Variants in SMG6 observed in about 807,000 individuals in gnomAD.
SMG6 encodes the protein telomerase-binding protein EST1A.
A neutral mutation model predicts 142.2 loss-of-function variants in SMG6; 66 were observed. The ratio of observed to expected loss-of-function variants is 0.46; its 90% CI spans 0.38 to 0.57. The LOEUF is 0.57. Among genes scored for constraint, SMG6 ranks in the 20% least tolerant of loss-of-function variants. The pLI is 0.00. For missense variants in SMG6, 1,793 were observed against 1,832.0 expected (o/e 0.98, Z 0.39); for synonymous variants, 779 against 702.4 (o/e 1.11, Z -1.72).
At chr17:2,296,478 G>A (rs2075145092) in intron 4 of SMG6, among the ~76,000 whole-genome samples, 1 of 152,184 alleles carries the variant, frequency 6.6e-6, no homozygotes, top group Non-Finnish European at 1.5e-5. Context: ...GCCGCGGACT[G>A]GTACCAGTCT....
intron 12 of SMG6, 160 bp from the exon 13 acceptor site, chr17:2,173,019 C>T: frequency 3.0e-6 from 2 of 671,412 alleles, no homozygotes; most frequent in African/African-American, 1.8e-5. Context: ...CAAAACTGTG[C>T]CCAAGGCAGC....
At chr17:2,260,868 T>A (rs186178812) in intron 8 of SMG6, among the ~76,000 whole-genome samples, 1,534 of 151,578 alleles carry the variant, frequency 0.01, 30 homozygotes, top group African/African-American at 0.034. Flanking sequence ...TGATGGCGGG[T>A]GCCTGTAATC....
chr17:2,167,131 CAAAAAAAA>C (rs57898779), intron 13 of SMG6, among the ~76,000 whole-genome samples: 4 of 35,706 alleles, frequency 1.1e-4, no homozygotes, highest in African/African-American at 3.1e-4. Flanking sequence ...GACTCCATCT[CAAAAAAAA>C]AAAAAAAAAA....
Position 2,065,075 on chromosome 17 carries a change from T to C in SMG6, c.4127A>G (p.Lys1376Arg), listed in dbSNP as rs146523021. ...DKAKDFMPAS[K>R]EEPIRLLREV... The stretch of plus-strand genomic sequence containing the variant: ...CCAAGGCGGAGGCAAAGCTGTACCT[T>C]TGCTGGCGGGCATGAAGTCCTTAGC... Residue 1376 changes from lysine to arginine, a missense_variant and splice_region_variant, in exon 18 of 19, where the codon AAA becomes AGA. Physicochemically the swap from Lys to Arg is conservative, Grantham distance 26 (BLOSUM62 2). This residue lies in a region of SMG6 where 179 missense variants were observed against 212.6 expected (regional missense o/e 0.84). Transcript: ENST00000263073. The C allele has an allele frequency of 5.3e-5, 85 of 1,613,228 alleles. No individual in the cohort carries two copies. The African/African-American group carries it at 9.6e-4, about 18-fold the overall frequency.
chr17:2,238,105 C>T (rs893069710), intron 9 of SMG6, among the ~76,000 whole-genome samples: 2 of 152,182 alleles, frequency 1.3e-5, no homozygotes, highest in African/African-American at 4.8e-5. Context: ...GAAGTGTCCT[C>T]CCTGGATTAG....
chr17:2,162,279 G>A (rs562785078), intron 13 of SMG6, among the ~76,000 whole-genome samples: 7 of 152,174 alleles, frequency 4.6e-5, no homozygotes, highest in East Asian at 1.9e-4. Context: ...TTGGGAGGCC[G>A]AGGCGGCCAG....
intron 9 of SMG6, 56 bp from the exon 10 acceptor site, chr17:2,236,693 A>G: frequency 7.4e-7 from 1 of 1,352,208 alleles, no homozygotes; most frequent in Non-Finnish European, 9.8e-7. Context: ...TCTCTCTCTC[A>G]CTCTGTCTCA....
chr17:2,297,650 G>C (rs951321094), intron 3 of SMG6, among the ~76,000 whole-genome samples: 2 of 151,936 alleles, frequency 1.3e-5, no homozygotes, highest in African/African-American at 4.8e-5. Flanking sequence ...TTTAGGCCAA[G>C]GCATTCAGAA....
chr17:2,273,304 T>C (rs1431300943), intron 8 of SMG6, among the ~76,000 whole-genome samples: 2 of 152,112 alleles, frequency 1.3e-5, no homozygotes, highest in Admixed American at 6.6e-5. Context: ...TCACTTAAGG[T>C]CAGGAGTTCA....
chr17:2,303,773 A>C lies in SMG6; in HGVS notation c.-53T>G, dbSNP rs1358960580. 4.2e-6 allele frequency: 6 copies of C among 1,438,084 alleles called. No homozygotes were observed. Among genetic ancestry groups the C allele is most frequent in the Non-Finnish European group, 4.6e-6 (5 of 1,083,924 alleles). The allele number at this position is 1,438,084 out of a possible 1,614,324, so 89.1% of individuals were successfully genotyped here. On this transcript the variant is annotated 5_prime_UTR_variant, in exon 1 of 19. Transcript: ENST00000263073. ...GGCTCCGCCACCGCCGCGCGCAGCC[A>C]GGAAACCACCACAGACGGGCGGCGC...
chr17:2,300,800 G>T, intron 1 of SMG6, 136 bp from the exon 2 acceptor site: 2 of 743,990 alleles, frequency 2.7e-6, no homozygotes, highest in Non-Finnish European at 4.2e-6. Context: ...TGCTAATACT[G>T]GTAGGCAAAG....
chr17:2,096,517 A>G, intron 13 of SMG6, among the ~76,000 whole-genome samples: 1 of 149,816 alleles, frequency 6.7e-6, no homozygotes, highest in East Asian at 2.0e-4. Context: ...CTAATGGCTA[A>G]TTTTTTTTTT....
intron 6 of SMG6, among the ~76,000 whole-genome samples, chr17:2,289,110 T>C (rs973817127): frequency 1.3e-5 from 2 of 148,238 alleles, no homozygotes; most frequent in Non-Finnish European, 3.0e-5. Context: ...ATTAGCCAGC[T>C]GTGGTGGCGG....
intron 6 of SMG6, among the ~76,000 whole-genome samples, chr17:2,287,301 A>G (rs2074929396): frequency 6.6e-6 from 1 of 152,232 alleles, no homozygotes; most frequent in Non-Finnish European, 1.5e-5. Context: ...GTGCATATGA[A>G]AAAATGCTCA....
At chr17:2,103,373 G>A (rs1243623049) in intron 13 of SMG6, among the ~76,000 whole-genome samples, 1 of 152,208 alleles carries the variant, frequency 6.6e-6, no homozygotes, top group East Asian at 1.9e-4. Context: ...ATGGAAAAGG[G>A]TGGTATAGGT....
intron 13 of SMG6, among the ~76,000 whole-genome samples, chr17:2,129,458 G>C (rs1171253553): frequency 2.0e-5 from 3 of 152,002 alleles, no homozygotes; most frequent in African/African-American, 7.3e-5. Flanking sequence ...CAGCAATCTA[G>C]GAATAGAAGC....
At chr17:2,110,081 C>CAAAAAAAAAAAAAAAAAAAA (rs57135671) in intron 13 of SMG6, among the ~76,000 whole-genome samples, 1 of 87,992 alleles carries the variant, frequency 1.1e-5, no homozygotes, top group Non-Finnish European at 3.0e-5. Context: ...GATTCCATCT[C>CAAAAAAAAAAAAAAAAAAAA]AAAAAAAAAA....
chr17:2,170,361 C>T (rs947580676), intron 13 of SMG6, among the ~76,000 whole-genome samples: 4 of 152,164 alleles, frequency 2.6e-5, no homozygotes, highest in Admixed American at 6.5e-5. Context: ...GTCTGAAGCT[C>T]GTTAGGACTC....
chr17:2,291,284 T>C (rs371214395), intron 6 of SMG6, among the ~76,000 whole-genome samples: 39 of 150,282 alleles, frequency 2.6e-4, no homozygotes, highest in African/African-American at 9.1e-4. Flanking sequence ...TGAGCCGAGA[T>C]CGCGCCACTG....
Sources: gnomAD v4.1 joint callset for allele counts (sites outside exome capture counted in the v4.1 genomes callset) on GRCh38, gnomAD v4.1.1 for gene constraint, gnomAD v4.1.1 regional missense constraint, MANE v1.5 for transcripts, NCBI Gene and HGNC (gene_info 2026-07-23, HGNC 2026-07-21) for gene names.